Variants in BMP1 observed in about 807,000 individuals in gnomAD.
The protein encoded by BMP1 is mammalian tolloid protein.
A neutral mutation model predicts 116.8 loss-of-function variants in BMP1; 63 were observed. The ratio of observed to expected loss-of-function variants is 0.54; its 90% CI spans 0.44 to 0.67. The LOEUF (loss-of-function observed/expected upper bound fraction) is 0.67. BMP1 is among the 30% of genes least tolerant of loss of function. The pLI is 0.00. For missense variants in BMP1, 1,183 were observed against 1,358.9 expected, an observed-to-expected ratio of 0.87 and a Z score of 2.04; for synonymous variants, 536 against 533.4, an observed-to-expected ratio of 1.00 and a Z score of -0.07.
At chr8:22,201,653 T>G in intron 15 of BMP1, 150 bp from the exon 16 acceptor site, 1 of 1,405,608 alleles carries the variant, frequency 7.1e-7, no homozygotes, top group Non-Finnish European at 9.4e-7. Flanking sequence ...TCGCCTGGCC[T>G]CCCACTCCCG....
chr8:22,194,673 T>C lies in BMP1; in HGVS notation c.1444-51T>C. The C allele has an allele frequency of 1.9e-6, 3 of 1,594,186 alleles. No homozygotes were observed. The highest frequency in any genetic ancestry group is 2.6e-6 in the Non-Finnish European group (3 of 1,168,458). On this transcript the variant is annotated intron_variant, in intron 11 of 19. Transcript: ENST00000306385. This position sits in a 1 kb window ranked among gnomAD's most constrained non-coding sequence, Gnocchi z 4.5. ...CTGCCTCTCTTTGGGCTCCCAGGGG[T>C]GGGTCTCTGGCAGCCAGAGCCCCTT...
intron 15 of BMP1, chr8:22,199,446 A>C: frequency 1.7e-6 from 2 of 1,194,066 alleles, no homozygotes; most frequent in African/African-American, 1.7e-5. Flanking sequence ...CCCCCCTGCA[A>C]CCTGCTCCCC....
rs539294962 is a variant in BMP1, at chr8:22,212,082, G to A, written c.*354G>A. ...ACACGCTGTATTGTGTATCACCGGG[G>A]GCATTATTTTCATTGTAATGTTCAT... On this transcript the variant is annotated 3_prime_UTR_variant, in exon 20 of 20. Transcript: ENST00000306385. 3 of 249,200 alleles carry A rather than the reference G, an allele frequency of 1.2e-5. No individual in the cohort carries two copies. Among genetic ancestry groups the A allele is most frequent in the Admixed American group, 4.7e-5 (1 of 21,412 alleles). 15.4% of individuals were successfully genotyped at this position (249,200 alleles called of 1,614,324 possible).
intron 9 of BMP1, 85 bp from the exon 10 acceptor site, chr8:22,193,973 A>G: frequency 9.0e-7 from 1 of 1,111,622 alleles, no homozygotes; most frequent in Non-Finnish European, 1.4e-6. Context: ...TCAGGGCCCA[A>G]GCACCCAAGC....
rs1284985669 is a variant in BMP1, at chr8:22,176,992, G to T, written c.583G>T (p.Gly195Cys). The change falls in exon 5 of 20, where the codon GGC (glycine) becomes TGC (cysteine). Residue 195 changes from glycine to cysteine, a missense_variant. Gly to Cys is a radical substitution (Grantham distance 159, BLOSUM62 -3). This residue lies in a region of BMP1 where 956 missense variants were observed against 1,135.2 expected (regional missense o/e 0.84). Coordinates refer to ENST00000306385, the MANE Select transcript of BMP1 (RefSeq NM_006129.5). ...CTCCTACGTGGGTCGCCGCGGCGGG[G>T]GCCCCCAGGCCATCTCCATCGGCAA... ...CCSYVGRRGG[G>C]PQAISIGKNC... 3.1e-6 allele frequency: 5 copies of T among 1,612,350 alleles called. No homozygotes were observed. Among genetic ancestry groups the T allele is most frequent in the Non-Finnish European group, 4.2e-6 (5 of 1,179,418 alleles).
intron 18 of BMP1, among the ~76,000 whole-genome samples, chr8:22,207,984 A>G (rs55859550): frequency 0.26 from 38,993 of 151,940 alleles, 5,474 homozygotes; most frequent in Middle Eastern, 0.37. Flanking sequence ...CCTGGGTTCA[A>G]GCGATTCCCC....
At chr8:22,178,117 C>T (rs1022265225) in intron 6 of BMP1, among the ~76,000 whole-genome samples, 160 bp downstream of exon 6, 1 of 152,190 alleles carries the variant, frequency 6.6e-6, no homozygotes, top group African/African-American at 2.4e-5. Flanking sequence ...TGGATGTTGC[C>T]TGCCCTCCTG....
At chr8:22,193,922 G>T (rs536627554) in intron 9 of BMP1, 136 bp from the exon 10 acceptor site, 1 of 719,270 alleles carries the variant, frequency 1.4e-6, no homozygotes, top group Admixed American at 2.3e-5. Context: ...CAACCAGAGG[G>T]TATACAGTCT....
At chr8:22,207,626 C>G in intron 18 of BMP1, 110 bp downstream of exon 18, 10 of 1,229,766 alleles carry the variant, frequency 8.1e-6, no homozygotes, top group Non-Finnish European at 1.1e-5. Context: ...GCCCTGCGAC[C>G]CAGGGCCAGG....
At position 22,194,346 on chromosome 8, in the gene BMP1, G is replaced by T. The variant is rs975852431; in HGVS notation, c.1298-99G>T. On this transcript the variant is annotated intron_variant, in intron 10 of 19. Coordinates refer to ENST00000306385, the MANE Select transcript of BMP1 (RefSeq NM_006129.5). The surrounding 1 kb of genome is among the most constrained non-coding windows in gnomAD (Gnocchi z 4.5). ...TTTGGTGGGGAACTGAAAAGCTGGGGGACATGGGAGGGACTGGAGGAGTGG... is the reference window on the plus strand; with the variant it reads ...TTTGGTGGGGAACTGAAAAGCTGGGTGACATGGGAGGGACTGGAGGAGTGG... 17 of 1,520,704 alleles carry T rather than the reference G, an allele frequency of 1.1e-5. No individual in the cohort carries two copies. The highest frequency in any genetic ancestry group is 1.4e-5 in the African/African-American group (1 of 72,870). The allele number at this position is 1,520,704 out of a possible 1,614,324, so 94.2% of individuals were successfully genotyped here.
intron 8 of BMP1, among the ~76,000 whole-genome samples, chr8:22,182,046 G>A (rs188083474): frequency 1.3e-5 from 2 of 152,186 alleles, no homozygotes; most frequent in African/African-American, 2.4e-5. Context: ...CTGGACCTCC[G>A]CACCAACCCC....
chr8:22,210,776 T>G (rs1007288237), intron 19 of BMP1, among the ~76,000 whole-genome samples: 2 of 152,170 alleles, frequency 1.3e-5, no homozygotes, highest in African/African-American at 2.4e-5. Flanking sequence ...CTCTTTGCTC[T>G]TTCTTCTGAA....
intron 8 of BMP1, among the ~76,000 whole-genome samples, chr8:22,191,457 G>T (rs73225855): frequency 0.048 from 7,250 of 152,210 alleles, 267 homozygotes; most frequent in Admixed American, 0.092. Flanking sequence ...TGATGATGGG[G>T]CCGGGCACAG....
At chr8:22,182,515 C>T (rs1828651347) in intron 8 of BMP1, among the ~76,000 whole-genome samples, 1 of 152,148 alleles carries the variant, frequency 6.6e-6, no homozygotes, top group South Asian at 2.1e-4. Context: ...CTGTCGTTGG[C>T]CCAGGAAGTG....
At chr8:22,177,790 G>T (rs751622746) in intron 5 of BMP1, 62 bp from the exon 6 acceptor site, 5 of 1,242,326 alleles carry the variant, frequency 4.0e-6, no homozygotes, top group Non-Finnish European at 5.9e-6. Context: ...GAAAGTGAGC[G>T]TTGCATCCCA....
chr8:22,176,321 T>G lies in BMP1; in HGVS notation c.433+8T>G. Reference sequence around the variant, plus strand: ...TTGGGGGAAACTTCACTGGTGAGCGTGCTATTGTGGGTCCCAGAGTGTAAC... The same window carrying G: ...TTGGGGGAAACTTCACTGGTGAGCGGGCTATTGTGGGTCCCAGAGTGTAAC... On this transcript the variant is annotated splice_region_variant and intron_variant, in intron 3 of 19. Transcript: ENST00000306385. The G allele has an allele frequency of 6.3e-7, 1 of 1,586,520 alleles. No homozygotes were observed. Among genetic ancestry groups the G allele is most frequent in the Non-Finnish European group, 8.6e-7 (1 of 1,164,386 alleles).
Sources: gnomAD v4.1 joint callset for allele counts (sites outside exome capture counted in the v4.1 genomes callset) on GRCh38, gnomAD v4.1.1 for gene constraint, gnomAD v4.1.1 regional missense constraint, Gnocchi (gnomAD v3.1) non-coding constraint, MANE v1.5 for transcripts, NCBI Gene and HGNC (gene_info 2026-07-23, HGNC 2026-07-21) for gene names.